The following ERC1 variants were observed in gnomAD, a reference collection of about 807,000 sequenced individuals.
ERC1 encodes the protein RAB6 interacting protein 2.
Under a neutral mutation model 132.0 loss-of-function variants are expected in ERC1, and 56 were observed. The observed-to-expected ratio is 0.42, with a 90% confidence interval of 0.34 to 0.53. The LOEUF is 0.53. Ranked by LOEUF, ERC1 falls within the 20% of genes least tolerant of loss-of-function variation. The pLI is 0.03. For synonymous variants in ERC1, 478 were observed against 476.1 expected (o/e 1.00, Z -0.05); for missense variants, 1,202 against 1,349.9 (o/e 0.89, Z 1.72).
At chr12:1,029,084 A>G (rs747027716) in intron 2 of ERC1, among the ~76,000 whole-genome samples, 9 of 152,040 alleles carry the variant, frequency 5.9e-5, no homozygotes, top group Non-Finnish European at 1.3e-4. Flanking sequence ...GCCGGGTGCA[A>G]TGGCTCACAC....
intron 18 of ERC1, among the ~76,000 whole-genome samples, chr12:1,486,947 A>T (rs1180146496): frequency 6.6e-6 from 1 of 152,226 alleles, no homozygotes; most frequent in Non-Finnish European, 1.5e-5. Flanking sequence ...TGTCTGGAAT[A>T]TTCCTGGGAA....
At chr12:1,102,464 CT>C (rs1469573010) in intron 3 of ERC1, among the ~76,000 whole-genome samples, 38 of 152,106 alleles carry the variant, frequency 2.5e-4, no homozygotes, top group African/African-American at 8.9e-4. Flanking sequence ...GCTCATGGAG[CT>C]ATGTAAGCTG....
At chr12:1,144,334 G>T (rs773399163) in intron 8 of ERC1, among the ~76,000 whole-genome samples, 33 of 152,088 alleles carry the variant, frequency 2.2e-4, no homozygotes, top group Non-Finnish European at 4.3e-4. Flanking sequence ...TGGTTTTTGA[G>T]ATGTTGGTGC....
chr12:1,246,192 C>G (rs1042317724), intron 13 of ERC1, among the ~76,000 whole-genome samples: 8 of 152,044 alleles, frequency 5.3e-5, no homozygotes, highest in Non-Finnish European at 2.9e-5. Context: ...TACATATGTA[C>G]AAGGTGACTT....
chr12:1,307,673 T>C (rs1282455762), intron 15 of ERC1, among the ~76,000 whole-genome samples: 1 of 152,212 alleles, frequency 6.6e-6, no homozygotes, highest in Non-Finnish European at 1.5e-5. Context: ...TTAGGTAAGT[T>C]GATGATTCCT....
intron 3 of ERC1, among the ~76,000 whole-genome samples, chr12:1,101,635 A>G (rs374297732): frequency 1.3e-5 from 2 of 152,184 alleles, no homozygotes; most frequent in Non-Finnish European, 2.9e-5. Flanking sequence ...GGCATTTTCA[A>G]TTTCTGTTGT....
intron 2 of ERC1, among the ~76,000 whole-genome samples, chr12:1,037,329 G>A (rs1392401420): frequency 6.6e-6 from 1 of 152,170 alleles, no homozygotes; most frequent in East Asian, 1.9e-4. Flanking sequence ...CAGCAAATTT[G>A]CAGATAGCAT....
intron 15 of ERC1, among the ~76,000 whole-genome samples, chr12:1,326,900 T>A (rs1246626434): frequency 6.6e-6 from 1 of 152,048 alleles, no homozygotes; most frequent in Non-Finnish European, 1.5e-5. Context: ...GTTTTTTTTT[T>A]AATAATGCCA....
intron 14 of ERC1, among the ~76,000 whole-genome samples, chr12:1,282,459 A>G (rs1329335411): frequency 6.6e-6 from 1 of 152,232 alleles, no homozygotes; most frequent in Non-Finnish European, 1.5e-5. Flanking sequence ...TGCAATAACT[A>G]TAGTTATTCC....
intron 7 of ERC1, among the ~76,000 whole-genome samples, chr12:1,131,673 G>A (rs751178669): frequency 7.2e-5 from 11 of 152,040 alleles, no homozygotes; most frequent in Non-Finnish European, 1.2e-4. Context: ...CACCCTGTTA[G>A]CCAGGATGGT....
intron 15 of ERC1, among the ~76,000 whole-genome samples, chr12:1,314,387 G>A (rs1444554661): frequency 2.6e-5 from 4 of 152,144 alleles, no homozygotes; most frequent in Non-Finnish European, 4.4e-5. Context: ...TTCTAAAAAT[G>A]TAACATAGTA....
chr12:1,063,196 T>A (rs2154176828), intron 2 of ERC1, among the ~76,000 whole-genome samples: 2 of 152,284 alleles, frequency 1.3e-5, no homozygotes, highest in South Asian at 4.1e-4. Flanking sequence ...GCCTCCCAAG[T>A]AGCTGGGGAT....
At chr12:1,484,671 G>T (rs373774595) in intron 18 of ERC1, among the ~76,000 whole-genome samples, 1 of 149,212 alleles carries the variant, frequency 6.7e-6, no homozygotes, top group Non-Finnish European at 1.5e-5. Flanking sequence ...TCCGCCTCCC[G>T]GGCTCAAGCA....
At chr12:1,244,682 T>C in intron 13 of ERC1, 1 of 384,240 alleles carries the variant, frequency 2.6e-6, no homozygotes, top group South Asian at 1.9e-5. Context: ...CCACCATGCC[T>C]GGCTAATTTT....
chr12:1,450,423 C>T (rs1320606674), intron 18 of ERC1, among the ~76,000 whole-genome samples: 2 of 152,202 alleles, frequency 1.3e-5, no homozygotes, highest in Non-Finnish European at 2.9e-5. Flanking sequence ...TTGTGACTGA[C>T]GTATTTCATG....
At chr12:1,063,528 C>T (rs2154177069) in intron 2 of ERC1, among the ~76,000 whole-genome samples, 1 of 152,106 alleles carries the variant, frequency 6.6e-6, no homozygotes, top group East Asian at 1.9e-4. Flanking sequence ...TCCCAAAGTG[C>T]TGGGATTACA....
chr12:1,323,855 C>T (rs1263209465), intron 15 of ERC1, among the ~76,000 whole-genome samples: 1 of 152,182 alleles, frequency 6.6e-6, no homozygotes, highest in African/African-American at 2.4e-5. Context: ...ACCTTGAAAG[C>T]TGTATGGCTG....
At chr12:1,201,193 CTTGT>C (rs147424267) in intron 12 of ERC1, among the ~76,000 whole-genome samples, 8,283 of 151,960 alleles carry the variant, frequency 0.055, 480 homozygotes, top group African/African-American at 0.15. Flanking sequence ...CATTTCTGAC[CTTGT>C]TTTTGTATTT....
At chr12:1,229,018 G>A (rs2074822426) in intron 12 of ERC1, among the ~76,000 whole-genome samples, 1 of 152,232 alleles carries the variant, frequency 6.6e-6, no homozygotes, top group East Asian at 1.9e-4. Context: ...GGCAATACTG[G>A]CCTTTTAAAA....
Sources: gnomAD v4.1 joint callset for allele counts (sites outside exome capture counted in the v4.1 genomes callset) on GRCh38, gnomAD v4.1.1 for gene constraint, MANE v1.5 for transcripts, NCBI Gene and HGNC (gene_info 2026-07-23, HGNC 2026-07-21) for gene names.